Variants in GUCA1C observed in about 807,000 individuals in gnomAD.
GUCA1C encodes the protein guanylyl cyclase-activating protein 3.
Under a neutral mutation model 16.2 loss-of-function variants are expected in GUCA1C, and 15 were observed. That is an observed-to-expected ratio of 0.93 (90% CI 0.62 to 1.43). The LOEUF (loss-of-function observed/expected upper bound fraction) is 1.43, where lower values mean the gene tolerates loss of function less well. Among genes scored for constraint, GUCA1C ranks in the 40% most tolerant of loss-of-function variants. The pLI is 0.00. For synonymous variants in GUCA1C, 78 were observed against 85.4 expected, an observed-to-expected ratio of 0.91 and a Z score of 0.48; for missense variants, 275 against 244.8, an observed-to-expected ratio of 1.12 and a Z score of -0.82.
chr3:108,948,045 C>G (rs1319864266), intron 1 of GUCA1C, among the ~76,000 whole-genome samples: 1 of 152,126 alleles, frequency 6.6e-6, no homozygotes, highest in African/African-American at 2.4e-5. Flanking sequence ...AGCTGTTGAT[C>G]TGGACTTTCC....
chr3:108,953,487 G>GGA, intron 1 of GUCA1C, 72 bp downstream of exon 1: 1 of 969,402 alleles, frequency 1.0e-6, no homozygotes, highest in Non-Finnish European at 1.6e-6. Context: ...CTATTTTACA[G>GGA]GAAAAAAAAA....
chr3:108,920,699 A>G, intron 1 of GUCA1C, 114 bp from the exon 2 acceptor site: 1 of 593,742 alleles, frequency 1.7e-6, no homozygotes, highest in Admixed American at 3.7e-5. Context: ...TCAATCCATA[A>G]GATTTCAGCA....
intron 1 of GUCA1C, among the ~76,000 whole-genome samples, chr3:108,935,035 G>C (rs1423229653): frequency 1.3e-5 from 2 of 151,652 alleles, no homozygotes; most frequent in South Asian, 4.2e-4. Flanking sequence ...GGACGGTCTC[G>C]ATCTCCTGAC....
chr3:108,914,697 T>A (rs1036186287), intron 3 of GUCA1C, among the ~76,000 whole-genome samples: 1 of 152,184 alleles, frequency 6.6e-6, no homozygotes, highest in African/African-American at 2.4e-5. Context: ...ATCCCTGCCA[T>A]CCTGCAGCAC....
At position 108,907,996 on chromosome 3, in the gene GUCA1C, G is replaced by A; in HGVS notation, c.*26C>T. On this transcript the variant is annotated 3_prime_UTR_variant, in exon 4 of 4. Coordinates refer to ENST00000261047, the MANE Select transcript of GUCA1C (RefSeq NM_005459.4). ...TCTCTACTGAAATGTTGTGCTCATT[G>A]ATAGCTGGGACAGGTATTCTCACAG... The A allele has an allele frequency of 6.5e-7, 1 of 1,550,306 alleles. No individual in the cohort carries two copies. Among genetic ancestry groups the A allele is most frequent in the Non-Finnish European group, 8.9e-7 (1 of 1,129,440 alleles).
At chr3:108,941,733 A>G (rs1259370979) in intron 1 of GUCA1C, among the ~76,000 whole-genome samples, 2 of 152,214 alleles carry the variant, frequency 1.3e-5, no homozygotes, top group Non-Finnish European at 2.9e-5. Context: ...CTTCACACCT[A>G]TTACAGCAAC....
chr3:108,925,648 G>C (rs745810153), intron 1 of GUCA1C, among the ~76,000 whole-genome samples: 2 of 152,168 alleles, frequency 1.3e-5, no homozygotes, highest in Non-Finnish European at 2.9e-5. Flanking sequence ...ATTTGTTCTA[G>C]GGTATAGTTT....
Position 108,949,514 on chromosome 3 carries a change from G to C in GUCA1C, c.204+4045C>G, listed in dbSNP as rs6787977. Among the ~76,000 whole-genome samples the C allele has an allele frequency of 8.2e-3, 1,249 of 152,290 alleles. 17 individuals carry two copies. The highest frequency in any genetic ancestry group is 0.028 in the African/African-American group (1,166 of 41,556). On this transcript the variant is annotated intron_variant, in intron 1 of 3. Coordinates refer to ENST00000261047, the MANE Select transcript of GUCA1C (RefSeq NM_005459.4). ...TTGCTGCACTCAATCACTGGTGGTA[G>C]TCTAAGCCCAGGCAGCATGGACTCA...
chr3:108,951,064 T>C (rs1287812239), intron 1 of GUCA1C, among the ~76,000 whole-genome samples: 1 of 151,642 alleles, frequency 6.6e-6, no homozygotes, highest in Non-Finnish European at 1.5e-5. Flanking sequence ...AAAAGAAAAA[T>C]ATTGCATGAT....
chr3:108,945,867 C>A (rs559754917), intron 1 of GUCA1C, among the ~76,000 whole-genome samples: 5 of 152,030 alleles, frequency 3.3e-5, no homozygotes, highest in African/African-American at 1.2e-4. Context: ...ATTTTATGAC[C>A]CTCATATAAC....
chr3:108,927,419 A>AT (rs1304016800), intron 1 of GUCA1C, among the ~76,000 whole-genome samples: 25 of 130,820 alleles, frequency 1.9e-4, no homozygotes, highest in Non-Finnish European at 3.7e-4. Context: ...GGTTCTGTTC[A>AT]TTTTTTTTAA....
chr3:108,915,049 T>A (rs1335304317), intron 3 of GUCA1C, among the ~76,000 whole-genome samples: 1 of 152,240 alleles, frequency 6.6e-6, no homozygotes, highest in African/African-American at 2.4e-5. Context: ...TCTTCAAATT[T>A]CTTTCTTGAG....
chr3:108,936,030 T>A (rs1338785855), intron 1 of GUCA1C, among the ~76,000 whole-genome samples: 2 of 152,018 alleles, frequency 1.3e-5, no homozygotes, highest in Non-Finnish European at 2.9e-5. Context: ...TTTGGGCAAC[T>A]AAGACAGGTG....
At chr3:108,914,814 C>T (rs900839524) in intron 3 of GUCA1C, among the ~76,000 whole-genome samples, 1 of 152,226 alleles carries the variant, frequency 6.6e-6, no homozygotes, top group African/African-American at 2.4e-5. Context: ...TCATTGTCCT[C>T]ATCAGACCCT....
intron 1 of GUCA1C, among the ~76,000 whole-genome samples, chr3:108,927,415 G>A (rs964292212): frequency 7.2e-6 from 1 of 139,722 alleles, no homozygotes; most frequent in Non-Finnish European, 1.5e-5. Context: ...TGGAGGTTCT[G>A]TTCATTTTTT....
intron 1 of GUCA1C, among the ~76,000 whole-genome samples, chr3:108,935,679 G>C (rs1160629380): frequency 6.6e-6 from 1 of 151,948 alleles, no homozygotes; most frequent in African/African-American, 2.4e-5. Flanking sequence ...CTGGGCAACA[G>C]GGCAAGACTC....
chr3:108,924,354 G>C (rs533511578), intron 1 of GUCA1C, among the ~76,000 whole-genome samples: 2 of 152,136 alleles, frequency 1.3e-5, no homozygotes, highest in South Asian at 2.1e-4. Context: ...AATCATAAAG[G>C]GATGCTAGAT....
chr3:108,948,892 G>A (rs868315838), intron 1 of GUCA1C, among the ~76,000 whole-genome samples: 1 of 150,276 alleles, frequency 6.7e-6, no homozygotes, highest in Non-Finnish European at 1.5e-5. Context: ...CTGTCACCCA[G>A]GCTGGAGTAC....
At chr3:108,934,662 T>C (rs563241898) in intron 1 of GUCA1C, among the ~76,000 whole-genome samples, 52 of 152,170 alleles carry the variant, frequency 3.4e-4, no homozygotes, top group Non-Finnish European at 6.5e-4. Context: ...GTGGTGCATG[T>C]ACACCATGAA....
Sources: gnomAD v4.1 joint callset for allele counts (sites outside exome capture counted in the v4.1 genomes callset) on GRCh38, gnomAD v4.1.1 for gene constraint, MANE v1.5 for transcripts, NCBI Gene and HGNC (gene_info 2026-07-23, HGNC 2026-07-21) for gene names.